Variants in PRDM16 observed in about 807,000 individuals in gnomAD.
PRDM16 encodes histone-lysine N-methyltransferase PRDM16.
In PRDM16, 23 loss-of-function variants were observed where a neutral mutation model predicts 110.6. The observed-to-expected ratio is 0.21, with a 90% confidence interval of 0.15 to 0.29. The LOEUF is 0.29. Among genes scored for constraint, PRDM16 ranks in the 10% least tolerant of loss-of-function variants. The probability of loss-of-function intolerance (pLI) is 1.00; values close to 1 mark genes in which losing one functional copy is unlikely to be tolerated. For synonymous variants in PRDM16, 799 were observed against 781.8 expected, an observed-to-expected ratio of 1.02 and a Z score of -0.37; for missense variants, 1,615 against 1,794.3, an observed-to-expected ratio of 0.90 and a Z score of 1.81.
intron 1 of PRDM16, among the ~76,000 whole-genome samples, chr1:3,108,059 C>A (rs771558736): frequency 1.7e-4 from 26 of 152,250 alleles, no homozygotes; most frequent in Non-Finnish European, 2.9e-4. Flanking sequence ...TCCAGACAAA[C>A]CTTGAGTTGG....
chr1:3,122,485 T>C (rs1643115448), intron 1 of PRDM16, among the ~76,000 whole-genome samples: 2 of 152,002 alleles, frequency 1.3e-5, no homozygotes, highest in Admixed American at 1.3e-4. Flanking sequence ...ATGGACCCCT[T>C]GAAGGTGGCC....
chr1:3,154,364 G>T (rs1436578193), intron 1 of PRDM16, among the ~76,000 whole-genome samples: 1 of 152,218 alleles, frequency 6.6e-6, no homozygotes, highest in Non-Finnish European at 1.5e-5. Flanking sequence ...CGACGGAGCT[G>T]CCTGTCGCTG....
chr1:3,374,174 A>C (rs1642954933), intron 3 of PRDM16, among the ~76,000 whole-genome samples: 1 of 152,086 alleles, frequency 6.6e-6, no homozygotes, highest in African/African-American at 2.4e-5. Flanking sequence ...CCGGCTTTTC[A>C]TGTTGCTGCT....
chr1:3,083,571 G>A (rs968043748), intron 1 of PRDM16, among the ~76,000 whole-genome samples: 1 of 137,632 alleles, frequency 7.3e-6, no homozygotes, highest in Non-Finnish European at 1.6e-5. Context: ...TGCCCTGCAG[G>A]TCAGGACACA....
At chr1:3,296,519 T>C (rs1167126169) in intron 3 of PRDM16, among the ~76,000 whole-genome samples, 1 of 152,336 alleles carries the variant, frequency 6.6e-6, no homozygotes, top group South Asian at 2.1e-4. Context: ...GGGCCTCGTG[T>C]TGCTGTTTGA....
At chr1:3,406,908 T>TA (rs1431652770) in intron 8 of PRDM16, among the ~76,000 whole-genome samples, 2 of 152,202 alleles carry the variant, frequency 1.3e-5, no homozygotes, top group Non-Finnish European at 2.9e-5. Flanking sequence ...CAAGCATTCT[T>TA]ACACAGCATC....
Position 3,402,670 on chromosome 1 carries a change from T to C in PRDM16, c.677-121T>C, listed in dbSNP as rs114404990. The C allele has an allele frequency of 2.6e-4, 211 of 798,738 alleles. No homozygotes were observed. The African/African-American group carries it at 3.4e-3, about 13-fold the overall frequency. The allele number at this position is 798,738 out of a possible 1,614,324, so 49.5% of individuals were successfully genotyped here. ...AGGCTGGAAGGAAGCAGTGCAGGAC[T>C]GGCCAGCCTGGGTGCAGGCCCTGAG... On this transcript the variant is annotated intron_variant, in intron 5 of 16. Coordinates refer to ENST00000270722, the MANE Select transcript of PRDM16 (RefSeq NM_022114.4).
chr1:3,211,860 C>G (rs1427196061), intron 2 of PRDM16, among the ~76,000 whole-genome samples: 2 of 152,232 alleles, frequency 1.3e-5, no homozygotes, highest in African/African-American at 4.8e-5. Flanking sequence ...GCGGCCTGGG[C>G]CCGGCGTGAG....
chr1:3,160,578 C>T (rs1253946480), intron 1 of PRDM16, among the ~76,000 whole-genome samples: 1 of 152,196 alleles, frequency 6.6e-6, no homozygotes, highest in Admixed American at 6.5e-5. Flanking sequence ...ACACAGTCTC[C>T]TCTTCACTGC....
At chr1:3,210,696 A>G (rs1197971753) in intron 2 of PRDM16, among the ~76,000 whole-genome samples, 2 of 152,248 alleles carry the variant, frequency 1.3e-5, no homozygotes, top group African/African-American at 4.8e-5. Context: ...GCCTCTAGAT[A>G]TGCATTAGTT....
rs1468180699 is a variant in PRDM16, at chr1:3,148,074, T to A, written c.38-38051T>A. On this transcript the variant is annotated intron_variant, in intron 1 of 16. Coordinates refer to ENST00000270722, the MANE Select transcript of PRDM16 (RefSeq NM_022114.4). This position sits in a 1 kb window ranked among gnomAD's most constrained non-coding sequence, Gnocchi z 5.0. The stretch of plus-strand genomic sequence containing the variant: ...TCAGATTCAAGTTCGGCCTTTGGCG[T>A]CTTCTCTCGGGGGCCCTCTGTCCGC... Among the ~76,000 whole-genome samples, 1 of 152,006 alleles carries A rather than the reference T, an allele frequency of 6.6e-6. No homozygotes were observed. Among genetic ancestry groups the A allele is most frequent in the Non-Finnish European group, 1.5e-5 (1 of 67,994 alleles).
intron 1 of PRDM16, among the ~76,000 whole-genome samples, chr1:3,111,315 T>C (rs1239296319): frequency 2.0e-5 from 3 of 152,068 alleles, no homozygotes; most frequent in African/African-American, 7.2e-5. Flanking sequence ...TGTGTGATCC[T>C]GCACTGGGCA....
intron 1 of PRDM16, among the ~76,000 whole-genome samples, chr1:3,083,990 C>T (rs1557433819): frequency 2.0e-5 from 3 of 152,222 alleles, no homozygotes; most frequent in Admixed American, 1.3e-4. Context: ...ACCCTGTTCG[C>T]GAGAGAAGAG....
chr1:3,301,051 C>T (rs1641196840), intron 3 of PRDM16, among the ~76,000 whole-genome samples: 1 of 152,150 alleles, frequency 6.6e-6, no homozygotes, highest in African/African-American at 2.4e-5. Flanking sequence ...AATGTTTGGG[C>T]CGGGCACAGT....
intron 3 of PRDM16, among the ~76,000 whole-genome samples, chr1:3,314,046 G>A (rs755293272): frequency 2.1e-5 from 3 of 142,708 alleles, no homozygotes; most frequent in South Asian, 2.2e-4. Context: ...TGGGACCCTC[G>A]CCCCCGAATG....
intron 1 of PRDM16, among the ~76,000 whole-genome samples, chr1:3,092,025 C>G (rs188508505): frequency 2.0e-5 from 3 of 152,230 alleles, no homozygotes; most frequent in Admixed American, 2.0e-4. Context: ...ACGCAGGTCC[C>G]CATGTAGAGG....
intron 2 of PRDM16, among the ~76,000 whole-genome samples, chr1:3,187,533 A>G (rs760606896): frequency 3.9e-5 from 6 of 152,092 alleles, no homozygotes; most frequent in South Asian, 4.2e-4. Flanking sequence ...GCCTGCCCCA[A>G]CTCAGACAGG....
intron 1 of PRDM16, among the ~76,000 whole-genome samples, chr1:3,176,184 C>CATCCATCT (rs1644085732): frequency 6.6e-6 from 1 of 150,946 alleles, no homozygotes; most frequent in African/African-American, 2.4e-5. Context: ...TCCATCTATC[C>CATCCATCT]ATCCATCCAT....
At chr1:3,330,770 G>A (rs978489117) in intron 3 of PRDM16, among the ~76,000 whole-genome samples, 13 of 152,198 alleles carry the variant, frequency 8.5e-5, no homozygotes, top group Non-Finnish European at 1.6e-4. Context: ...TCCTAAGCGA[G>A]GGCGAGTCAG....
Sources: allele counts gnomAD v4.1 joint callset (sites outside exome capture counted in the v4.1 genomes callset), GRCh38; gene constraint gnomAD v4.1.1; non-coding constraint Gnocchi (gnomAD v3.1); transcripts MANE v1.5; gene names NCBI Gene and HGNC (gene_info 2026-07-23, HGNC 2026-07-21).